PTPRM: variants seen among roughly 807,000 people sequenced by gnomAD.
PTPRM encodes the protein receptor-type tyrosine-protein phosphatase mu.
Under a neutral mutation model 186.7 loss-of-function variants are expected in PTPRM, and 47 were observed. The ratio of observed to expected loss-of-function variants is 0.25; its 90% CI spans 0.20 to 0.32. The LOEUF (loss-of-function observed/expected upper bound fraction) is 0.32. Ranked by LOEUF, PTPRM falls within the 10% of genes least tolerant of loss-of-function variation. The pLI is 1.00. For missense variants in PTPRM, 1,494 were observed against 1,865.0 expected, an observed-to-expected ratio of 0.80 and a Z score of 3.66; for synonymous variants, 668 against 674.9, an observed-to-expected ratio of 0.99 and a Z score of 0.16.
intron 2 of PTPRM, among the ~76,000 whole-genome samples, chr18:7,877,400 G>A (rs542731862): frequency 2.5e-4 from 38 of 152,204 alleles, no homozygotes; most frequent in African/African-American, 7.9e-4. Context: ...CTGTGTAATC[G>A]CATGATCATT....
chr18:7,783,055 A>G (rs2145103966), intron 2 of PTPRM, among the ~76,000 whole-genome samples: 1 of 152,324 alleles, frequency 6.6e-6, no homozygotes, highest in South Asian at 2.1e-4. Context: ...TTCCTGCTTA[A>G]ATTTCCCATA....
intron 20 of PTPRM, among the ~76,000 whole-genome samples, chr18:8,300,056 C>T (rs769344611): frequency 3.9e-5 from 6 of 152,018 alleles, no homozygotes; most frequent in African/African-American, 1.2e-4. Flanking sequence ...TTGTCAGAGG[C>T]GGGATGGGTT....
intron 31 of PTPRM, among the ~76,000 whole-genome samples, chr18:8,390,096 A>G (rs1229545766): frequency 6.6e-6 from 1 of 152,230 alleles, no homozygotes. Flanking sequence ...AAGCGGTGTA[A>G]TGGTAAGGCA....
intron 7 of PTPRM, among the ~76,000 whole-genome samples, chr18:8,054,014 T>C (rs1481088020): frequency 6.6e-6 from 1 of 152,096 alleles, no homozygotes; most frequent in East Asian, 1.9e-4. Flanking sequence ...TATTTTTGTA[T>C]AACTTGTAGG....
intron 7 of PTPRM, among the ~76,000 whole-genome samples, chr18:8,065,544 C>A (rs2088997696): frequency 6.6e-6 from 1 of 152,076 alleles, no homozygotes; most frequent in Non-Finnish European, 1.5e-5. Context: ...CACAGTGGAC[C>A]CACTGGCCTC....
chr18:8,276,758 T>C (rs2094840857), intron 19 of PTPRM, among the ~76,000 whole-genome samples: 1 of 152,160 alleles, frequency 6.6e-6, no homozygotes, highest in African/African-American at 2.4e-5. Flanking sequence ...ATCTCCATCC[T>C]CATCTTCCCT....
chr18:8,370,102 A>G (rs577902238), intron 23 of PTPRM, among the ~76,000 whole-genome samples: 1 of 152,156 alleles, frequency 6.6e-6, no homozygotes, highest in East Asian at 1.9e-4. Flanking sequence ...AGAAGAGGCC[A>G]AGGACAGAGC....
chr18:8,210,072 G>A (rs982297573), intron 14 of PTPRM, among the ~76,000 whole-genome samples: 1 of 150,558 alleles, frequency 6.6e-6, no homozygotes, highest in Admixed American at 6.6e-5. Context: ...AACACTTTGG[G>A]AGGCTGAGGT....
In PTPRM at chr18:7,926,677, G is replaced by C. The variant is rs1391475694; in HGVS notation, c.657G>C (p.Trp219Cys). ...IGRTVAGDRL[W>C]LQGIDVRDAP... is the part of the protein sequence containing the mutation. ...GGACCGTGGCAGGAGACAGGCTCTG[G>C]TTACAGGTACAGTAACTCATTTTCA... The change falls in exon 5 of 33, where the codon TGG becomes TGC. Residue 219 changes from tryptophan to cysteine, a missense_variant. Trp to Cys is a radical substitution (Grantham distance 215). This residue lies in a region of PTPRM where 296 missense variants were observed against 345.5 expected (regional missense o/e 0.86). Transcript: ENST00000580170. The C allele has an allele frequency of 2.5e-6, 4 of 1,611,308 alleles. No individual in the cohort carries two copies. Among genetic ancestry groups the C allele is most frequent in the Non-Finnish European group, 2.5e-6 (3 of 1,179,166 alleles).
intron 19 of PTPRM, among the ~76,000 whole-genome samples, chr18:8,291,782 T>A (rs1328259469): frequency 6.6e-6 from 1 of 151,682 alleles, no homozygotes; most frequent in African/African-American, 2.4e-5. Context: ...CATAACCCAA[T>A]GTTATTTGAT....
intron 7 of PTPRM, among the ~76,000 whole-genome samples, chr18:8,007,427 C>G (rs748453187): frequency 6.6e-6 from 1 of 152,158 alleles, no homozygotes; most frequent in Non-Finnish European, 1.5e-5. Flanking sequence ...TGCTAAAGCC[C>G]TTTACAAATT....
At chr18:7,873,982 G>C (rs939003441) in intron 2 of PTPRM, among the ~76,000 whole-genome samples, 4 of 150,710 alleles carry the variant, frequency 2.7e-5, no homozygotes, top group Non-Finnish European at 4.4e-5. Flanking sequence ...AGCAGGTGTC[G>C]AAAGTGTAAA....
intron 14 of PTPRM, among the ~76,000 whole-genome samples, chr18:8,156,503 G>T (rs2093124614): frequency 2.0e-5 from 3 of 152,106 alleles, no homozygotes; most frequent in African/African-American, 7.2e-5. Flanking sequence ...AAAATTAGAT[G>T]GTATATGTAC....
At chr18:8,159,346 A>G (rs1427121039) in intron 14 of PTPRM, among the ~76,000 whole-genome samples, 2 of 152,192 alleles carry the variant, frequency 1.3e-5, no homozygotes, top group East Asian at 1.9e-4. Context: ...TGTTATATTC[A>G]TATGTGCCGT....
intron 7 of PTPRM, among the ~76,000 whole-genome samples, chr18:8,009,833 A>G (rs2084416954): frequency 6.6e-6 from 1 of 152,182 alleles, no homozygotes; most frequent in African/African-American, 2.4e-5. Flanking sequence ...AATATAGTAA[A>G]TTTACTTTGC....
chr18:8,092,848 G>A (rs904278993), intron 11 of PTPRM, among the ~76,000 whole-genome samples: 2 of 151,944 alleles, frequency 1.3e-5, no homozygotes, highest in African/African-American at 2.4e-5. Context: ...AAAACATAGC[G>A]GAGCATGGGT....
chr18:8,296,510 A>G (rs2095098838), intron 20 of PTPRM, 55 bp downstream of exon 20: 2 of 1,296,526 alleles, frequency 1.5e-6, no homozygotes, highest in Non-Finnish European at 1.1e-6. Flanking sequence ...TGCATCTAGT[A>G]AGATTGACCA....
chr18:8,333,740 A>C (rs142514459), intron 22 of PTPRM, among the ~76,000 whole-genome samples: 97 of 152,136 alleles, frequency 6.4e-4, no homozygotes, highest in Non-Finnish European at 1.2e-3. Context: ...TTCATTGCTG[A>C]TGGAGGGAAC....
intron 2 of PTPRM, among the ~76,000 whole-genome samples, chr18:7,807,098 T>C (rs1028663592): frequency 3.3e-5 from 5 of 152,222 alleles, no homozygotes; most frequent in Admixed American, 2.6e-4. Context: ...ATTTTCATTT[T>C]GTATCCTAGA....
Sources: allele counts gnomAD v4.1 joint callset (sites outside exome capture counted in the v4.1 genomes callset), GRCh38; gene constraint gnomAD v4.1.1; regional missense constraint gnomAD v4.1.1; transcripts MANE v1.5; gene names NCBI Gene and HGNC (gene_info 2026-07-23, HGNC 2026-07-21).